VSTM5: variants seen among roughly 807,000 people sequenced by gnomAD.
The protein encoded by VSTM5 is V-set and transmembrane domain-containing protein 5.
A neutral mutation model predicts 20.3 loss-of-function variants in VSTM5; 21 were observed. The ratio of observed to expected loss-of-function variants is 1.03; its 90% CI spans 0.73 to 1.49. The LOEUF is 1.49. Among genes scored for constraint, VSTM5 ranks in the 40% most tolerant of loss-of-function variants. VSTM5 has a pLI of 0.00. For missense variants in VSTM5, 219 were observed against 250.0 expected, an observed-to-expected ratio of 0.88 and a Z score of 0.84; for synonymous variants, 100 against 102.5, an observed-to-expected ratio of 0.98 and a Z score of 0.14.
At chr11:93,841,451 C>A (rs1944369145) in intron 1 of VSTM5, among the ~76,000 whole-genome samples, 1 of 152,246 alleles carries the variant, frequency 6.6e-6, no homozygotes, top group Non-Finnish European at 1.5e-5. Flanking sequence ...GGCTTTCCTT[C>A]TGGTAACACC....
chr11:93,842,994 G>A (rs1478810338), intron 1 of VSTM5, among the ~76,000 whole-genome samples: 3 of 152,016 alleles, frequency 2.0e-5, no homozygotes, highest in African/African-American at 7.3e-5. Context: ...AGGAGGCAGA[G>A]GCAGGAGAAT....
chr11:93,818,443 G>A lies in VSTM5; in HGVS notation c.*2126C>T, dbSNP rs997344302. 2 of 144,136 alleles carry A rather than the reference G, an allele frequency of 1.4e-5. No homozygotes were observed. The highest frequency in any genetic ancestry group is 5.0e-5 in the African/African-American group (2 of 39,648). 8.9% of individuals were successfully genotyped at this position (144,136 alleles called of 1,614,324 possible). ...ATTCAAAAGAAACCCTTTTTTCAAA[G>A]AAATGGAAAGCCAAGGAAAGAAGCT... On this transcript the variant is annotated 3_prime_UTR_variant, in exon 4 of 4. Coordinates refer to ENST00000409977, the MANE Select transcript of VSTM5 (RefSeq NM_001144871.2).
intron 1 of VSTM5, among the ~76,000 whole-genome samples, chr11:93,842,833 G>A (rs11020533): frequency 0.22 from 33,544 of 152,144 alleles, 4,734 homozygotes; most frequent in African/African-American, 0.4. Flanking sequence ...CGGGGACAGC[G>A]GCTCATGCCT....
At chr11:93,845,915 C>T (rs187864654) in intron 1 of VSTM5, among the ~76,000 whole-genome samples, 3 of 152,354 alleles carry the variant, frequency 2.0e-5, no homozygotes, top group East Asian at 1.9e-4. Flanking sequence ...TTTTCTGACT[C>T]GCCAGGCAGG....
At chr11:93,820,634 A>C in intron 3 of VSTM5, 22 bp from the exon 4 acceptor site, 1 of 1,551,806 alleles carries the variant, frequency 6.4e-7, no homozygotes, top group Non-Finnish European at 8.7e-7. Context: ...AGACAAGTCA[A>C]TGAGTTGGAA....
intron 1 of VSTM5, among the ~76,000 whole-genome samples, chr11:93,843,871 A>C (rs755071): frequency 0.58 from 88,507 of 151,778 alleles, 26,790 homozygotes; most frequent in Non-Finnish European, 0.66. Context: ...ACAGACCATC[A>C]CCCACTGGGC....
Position 93,819,422 on chromosome 11 carries a change from A to G in VSTM5, c.*1147T>C, listed in dbSNP as rs558392888. 5 of 152,346 alleles carry G rather than the reference A, an allele frequency of 3.3e-5. No homozygotes were observed. Among genetic ancestry groups the G allele is most frequent in the South Asian group, 2.1e-4 (1 of 4,830 alleles). The allele number at this position is 152,346 out of a possible 1,614,324, so 9.4% of individuals were successfully genotyped here. On this transcript the variant is annotated 3_prime_UTR_variant, in exon 4 of 4. Coordinates refer to ENST00000409977, the MANE Select transcript of VSTM5 (RefSeq NM_001144871.2). Reference sequence around the variant, plus strand: ...AAGGCCAGCTGTGGTCCAGTCCCCAATCTCACCTGGAGCCCCAAGACCTCA... The same window carrying G: ...AAGGCCAGCTGTGGTCCAGTCCCCAGTCTCACCTGGAGCCCCAAGACCTCA...
At chr11:93,845,813 C>T (rs1944407439) in intron 1 of VSTM5, among the ~76,000 whole-genome samples, 1 of 152,158 alleles carries the variant, frequency 6.6e-6, no homozygotes, top group African/African-American at 2.4e-5. Flanking sequence ...TTTTGAGCAC[C>T]TGCTGTATGC....
At chr11:93,827,194 A>C (rs1565300142) in intron 1 of VSTM5, among the ~76,000 whole-genome samples, 1 of 152,026 alleles carries the variant, frequency 6.6e-6, no homozygotes, top group Non-Finnish European at 1.5e-5. Flanking sequence ...GACCAGCCTG[A>C]CCAACATGGA....
At chr11:93,840,380 C>T (rs537237875) in intron 1 of VSTM5, among the ~76,000 whole-genome samples, 60 of 152,272 alleles carry the variant, frequency 3.9e-4, no homozygotes, top group South Asian at 2.7e-3. Context: ...GTGTTTCCAG[C>T]GTGCATCAAG....
chr11:93,842,274 G>T (rs905494406), intron 1 of VSTM5, among the ~76,000 whole-genome samples: 1 of 152,210 alleles, frequency 6.6e-6, no homozygotes, highest in Non-Finnish European at 1.5e-5. Context: ...GAGACCGGGA[G>T]TGTTGGAGGA....
chr11:93,822,400 C>T (rs1565298877), intron 1 of VSTM5, among the ~76,000 whole-genome samples: 1 of 150,104 alleles, frequency 6.7e-6, no homozygotes, highest in South Asian at 2.1e-4. Flanking sequence ...TTTTTTTTTA[C>T]AAAGGCACAC....
chr11:93,846,320 A>G (rs1479583092), intron 1 of VSTM5, among the ~76,000 whole-genome samples: 1 of 152,234 alleles, frequency 6.6e-6, no homozygotes, highest in African/African-American at 2.4e-5. Flanking sequence ...CTAGACCAGC[A>G]GGGAGCATAC....
In VSTM5 at chr11:93,819,210, A is replaced by G. The variant is rs1173521781; in HGVS notation, c.*1359T>C. On this transcript the variant is annotated 3_prime_UTR_variant, in exon 4 of 4. Coordinates refer to ENST00000409977, the MANE Select transcript of VSTM5 (RefSeq NM_001144871.2). ...AGACTTCTTAACCTTTGCATGGGTG[A>G]ATTTGCAACTGAGGACTAGGAACAC... 6.6e-6 allele frequency: 1 copy of G among 152,290 alleles called. No homozygotes were observed. The highest frequency in any genetic ancestry group is 2.4e-5 in the African/African-American group (1 of 41,470). The allele number at this position is 152,290 out of a possible 1,614,324, so 9.4% of individuals were successfully genotyped here. A position where few individuals can be genotyped will look rare whatever the true frequency, so the allele number is the denominator to read the frequency against.
chr11:93,828,853 G>A (rs991394499), intron 1 of VSTM5, among the ~76,000 whole-genome samples: 3 of 152,146 alleles, frequency 2.0e-5, no homozygotes, highest in Non-Finnish European at 4.4e-5. Context: ...TAGGGTGGGT[G>A]AGTGACGAGT....
intron 1 of VSTM5, among the ~76,000 whole-genome samples, chr11:93,844,668 TTCTC>T (rs201934395): frequency 1.3e-5 from 2 of 152,188 alleles, no homozygotes; most frequent in South Asian, 4.1e-4. Context: ...GCTAAGAACT[TTCTC>T]TCTCTCTCCT....
rs1944452279 is a variant in VSTM5 at position 93,850,605 on chromosome 11, CTT to C, written c.-105_-104del. On this transcript the variant is annotated 5_prime_UTR_variant, in exon 1 of 4. Transcript: ENST00000409977. ...CCTCCGCCTCTGGCTGCCGCAGGTTCTTTAGGGCCAGATGCAGATGAGCTGGT... is the reference window on the plus strand; with the variant it reads ...CCTCCGCCTCTGGCTGCCGCAGGTTCTAGGGCCAGATGCAGATGAGCTGGT... The C allele has an allele frequency of 2.0e-6, 1 of 493,994 alleles. No individual in the cohort carries two copies. Among genetic ancestry groups the C allele is most frequent in the Admixed American group, 6.6e-5 (1 of 15,080 alleles). 30.6% of individuals were successfully genotyped at this position (493,994 alleles called of 1,614,324 possible). A position where few individuals can be genotyped will look rare whatever the true frequency, so the allele number is the denominator to read the frequency against.
At position 93,850,593 on chromosome 11, in the gene VSTM5, C is replaced by G. The variant is rs1944452151; in HGVS notation, c.-91G>C. 1.4e-6 allele frequency: 1 copy of G among 717,240 alleles called. No homozygotes were observed. Among genetic ancestry groups the G allele is most frequent in the South Asian group, 2.1e-5 (1 of 48,492 alleles). 44.4% of individuals were successfully genotyped at this position (717,240 alleles called of 1,614,324 possible). ...GCCTTCTCTCTTCCTCCGCCTCTGG[C>G]TGCCGCAGGTTCTTTAGGGCCAGAT... On this transcript the variant is annotated 5_prime_UTR_variant, in exon 1 of 4. Coordinates refer to ENST00000409977, the MANE Select transcript of VSTM5 (RefSeq NM_001144871.2).
intron 1 of VSTM5, 54 bp from the exon 2 acceptor site, chr11:93,821,377 T>C: frequency 1.4e-6 from 2 of 1,413,880 alleles, no homozygotes; most frequent in Non-Finnish European, 9.6e-7. Context: ...TATACTGAAG[T>C]GAACTTATAT....
Sources: gnomAD v4.1 joint callset for allele counts (sites outside exome capture counted in the v4.1 genomes callset) on GRCh38, gnomAD v4.1.1 for gene constraint, MANE v1.5 for transcripts, NCBI Gene and HGNC (gene_info 2026-07-23, HGNC 2026-07-21) for gene names.